Variants in DMD observed in about 807,000 individuals in gnomAD.
DMD encodes mutant dystrophin.
DMD carries 63 observed loss-of-function variants against 330.1 expected under a neutral mutation model. The ratio of observed to expected loss-of-function variants is 0.19; its 90% CI spans 0.16 to 0.24. The LOEUF is 0.24. DMD is among the 10% of genes least tolerant of loss of function. DMD has a pLI of 1.00. For missense variants in DMD, 3,344 were observed against 2,684.1 expected (o/e 1.25, Z -5.43); for synonymous variants, 1,223 against 959.8 (o/e 1.27, Z -5.07).
At chrX:32,538,571 C>T (rs1247675685) in intron 17 of DMD, among the ~76,000 whole-genome samples, 1 of 111,267 alleles carries the variant, frequency 9.0e-6, no homozygotes, top group African/African-American at 3.3e-5. Flanking sequence ...TTGGTGGTCT[C>T]TTCACACGGA....
chrX:32,684,509 T>A (rs1325928054), intron 9 of DMD, among the ~76,000 whole-genome samples: 1 of 111,400 alleles, frequency 9.0e-6, no homozygotes, highest in Non-Finnish European at 1.9e-5. Context: ...AGATTATTAC[T>A]CCTAAATTTA....
At chrX:33,280,342 A>C (rs1283574245) in intron 1 of DMD, among the ~76,000 whole-genome samples, 1 of 112,189 alleles carries the variant, frequency 8.9e-6, no homozygotes, top group Non-Finnish European at 1.9e-5. Context: ...AATGAGGTTC[A>C]CTTTATCAAA....
At chrX:32,407,063 G>A (rs1267679378) in intron 30 of DMD, among the ~76,000 whole-genome samples, 6 of 111,219 alleles carry the variant, frequency 5.4e-5, no homozygotes, top group Non-Finnish European at 9.4e-5. Context: ...ACATAGGCAC[G>A]GGCAAGGACT....
chrX:32,995,177 C>T (rs1396786136), intron 2 of DMD, among the ~76,000 whole-genome samples: 1 of 112,582 alleles, frequency 8.9e-6, no homozygotes, highest in East Asian at 2.8e-4. Flanking sequence ...CAATGCTTGA[C>T]ACTTAATAAA....
At chrX:31,712,668 C>T (rs896345002) in intron 52 of DMD, among the ~76,000 whole-genome samples, 1 of 110,819 alleles carries the variant, frequency 9.0e-6, no homozygotes, top group Admixed American at 9.7e-5. Context: ...TCTTCCTTTC[C>T]TTTTTTCTTA....
chrX:31,918,946 T>G (rs759230282), intron 47 of DMD, among the ~76,000 whole-genome samples: 4 of 112,232 alleles, frequency 3.6e-5, no homozygotes, highest in Non-Finnish European at 7.5e-5. Context: ...CTCAACATCT[T>G]TCTTAATTAT....
intron 7 of DMD, among the ~76,000 whole-genome samples, chrX:32,729,181 T>A (rs953258138): frequency 8.9e-6 from 1 of 112,160 alleles, no homozygotes; most frequent in African/African-American, 3.2e-5. Flanking sequence ...GAAATCCTTA[T>A]TGAATCATTT....
chrX:33,263,117 G>A (rs1457335385), intron 1 of DMD, among the ~76,000 whole-genome samples: 1 of 109,967 alleles, frequency 9.1e-6, no homozygotes, highest in Non-Finnish European at 1.9e-5. Context: ...ACGGCAAAAT[G>A]TTATATTAAT....
At chrX:32,996,290 C>T (rs2093117748) in intron 2 of DMD, among the ~76,000 whole-genome samples, 1 of 111,203 alleles carries the variant, frequency 9.0e-6, no homozygotes, top group Non-Finnish European at 1.9e-5. Context: ...AATGTTCAAT[C>T]AAAGGTGGAT....
chrX:32,029,387 A>C (rs1254095186), intron 44 of DMD, among the ~76,000 whole-genome samples: 1 of 111,621 alleles, frequency 9.0e-6, no homozygotes, highest in Non-Finnish European at 1.9e-5. Flanking sequence ...AATCAACACC[A>C]TAGGCAATAA....
At chrX:31,569,386 G>T (rs992723278) in intron 55 of DMD, among the ~76,000 whole-genome samples, 13 of 107,977 alleles carry the variant, frequency 1.2e-4, no homozygotes, top group African/African-American at 3.4e-5. Flanking sequence ...ATGCTATTTT[G>T]CAATTCTGTA....
intron 2 of DMD, among the ~76,000 whole-genome samples, chrX:33,008,525 A>C (rs1350185686): frequency 9.0e-6 from 1 of 110,687 alleles, no homozygotes; most frequent in East Asian, 2.9e-4. Flanking sequence ...AGAGAGATTG[A>C]AAGACTCTGT....
chrX:31,983,160 C>T (rs60546832), intron 44 of DMD, among the ~76,000 whole-genome samples: 35,034 of 108,936 alleles, frequency 0.32, 4,885 homozygotes, highest in African/African-American at 0.52. Context: ...TTAAGACAGA[C>T]GTATTGTAGG....
chrX:31,716,318 G>A (rs907118322), intron 52 of DMD, among the ~76,000 whole-genome samples: 39 of 112,313 alleles, frequency 3.5e-4, no homozygotes, highest in African/African-American at 1.3e-3. Flanking sequence ...TTGGGAGGCC[G>A]AGGCGGGTGG....
rs1569540486 is a variant in DMD at position 31,421,985 on chromosome X, ATG to A, written c.9084+22494_9084+22495del. Among the ~76,000 whole-genome samples, 119 of 72,630 alleles carry A rather than the reference ATG, an allele frequency of 1.6e-3. 1 individual carries two copies. Among genetic ancestry groups the A allele is most frequent in the African/African-American group, 9.4e-3 (117 of 12,428 alleles). The allele number at this position is 72,630 out of a possible 115,157, so 63.1% of individuals were successfully genotyped here. ...CACATATATATATACACATATATAT[ATG>A]TATATATACACACACATATATATAT... On this transcript the variant is annotated intron_variant, in intron 60 of 78. Transcript: ENST00000357033.
At chrX:32,227,629 T>C (rs1166750981) in intron 43 of DMD, among the ~76,000 whole-genome samples, 1 of 109,145 alleles carries the variant, frequency 9.2e-6, no homozygotes, top group Non-Finnish European at 1.9e-5. Flanking sequence ...ATTTGCATGA[T>C]GGGTACACAA....
intron 53 of DMD, among the ~76,000 whole-genome samples, chrX:31,669,812 G>T: frequency 1.0e-5 from 1 of 99,870 alleles, no homozygotes; most frequent in Admixed American, 1.1e-4. Context: ...CATTTCAATA[G>T]AAATGGTAGG....
At chrX:32,687,064 A>G (rs1204300220) in intron 9 of DMD, among the ~76,000 whole-genome samples, 4 of 112,119 alleles carry the variant, frequency 3.6e-5, no homozygotes, top group African/African-American at 1.3e-4. Flanking sequence ...TTATTTCCAA[A>G]TGGATTTGAA....
At chrX:32,826,902 C>T (rs1037839649) in intron 4 of DMD, among the ~76,000 whole-genome samples, 1 of 110,764 alleles carries the variant, frequency 9.0e-6, no homozygotes, top group African/African-American at 3.3e-5. Context: ...TAGCTTGAAG[C>T]ATTCCACAAC....
Sources: allele counts gnomAD v4.1 joint callset (sites outside exome capture counted in the v4.1 genomes callset), GRCh38; gene constraint gnomAD v4.1.1; transcripts MANE v1.5; gene names NCBI Gene and HGNC (gene_info 2026-07-23, HGNC 2026-07-21).